Variants in PLA2R1 observed in about 807,000 individuals in gnomAD.
PLA2R1 encodes the protein secretory phospholipase A2 receptor.
In PLA2R1, 158 loss-of-function variants were observed where a neutral mutation model predicts 195.9. The observed-to-expected ratio is 0.81, with a 90% CI of 0.71 to 0.92. The LOEUF (loss-of-function observed/expected upper bound fraction) is 0.92, where lower values mean the gene tolerates loss of function less well. Among genes scored for constraint, PLA2R1 ranks in the 40% least tolerant of loss-of-function variants. The probability of loss-of-function intolerance (pLI) is 0.00; values close to 1 mark genes in which losing one functional copy is unlikely to be tolerated. For synonymous variants in PLA2R1, 586 were observed against 598.2 expected (o/e 0.98, Z 0.30); for missense variants, 1,626 against 1,764.6 (o/e 0.92, Z 1.41).
At chr2:159,974,214 C>T (rs1306987869) in intron 17 of PLA2R1, among the ~76,000 whole-genome samples, 1 of 152,148 alleles carries the variant, frequency 6.6e-6, no homozygotes, top group African/African-American at 2.4e-5. Context: ...CTCTTACATG[C>T]CCTGACACTG....
chr2:159,983,911 A>T lies in PLA2R1; in HGVS notation c.2183+17T>A. On this transcript the variant is annotated intron_variant, in intron 13 of 29. Coordinates refer to ENST00000283243, the MANE Select transcript of PLA2R1 (RefSeq NM_007366.5). ...AGAATATTTGACTGTAATTTTTCAT[A>T]ATTAACAAGTATTTACCAATTAAAT... 9 of 1,401,116 alleles carry T rather than the reference A, an allele frequency of 6.4e-6. No individual in the cohort carries two copies. The highest frequency in any genetic ancestry group is 8.0e-6 in the Non-Finnish European group (8 of 999,304). 86.8% of individuals were successfully genotyped at this position (1,401,116 alleles called of 1,614,324 possible). A position where few individuals can be genotyped will look rare whatever the true frequency, so the allele number is the denominator to read the frequency against.
intron 11 of PLA2R1, among the ~76,000 whole-genome samples, chr2:159,991,732 C>T (rs1188694071): frequency 2.8e-5 from 4 of 142,488 alleles, no homozygotes; most frequent in Non-Finnish European, 3.1e-5. Flanking sequence ...TTTGTTCTTG[C>T]GATAGTTTAC....
chr2:159,978,793 A>G (rs933854535), intron 14 of PLA2R1, among the ~76,000 whole-genome samples: 1 of 152,158 alleles, frequency 6.6e-6, no homozygotes, highest in African/African-American at 2.4e-5. Context: ...TCTCTTCTAT[A>G]AACCTCTTCC....
At chr2:159,925,775 C>G in the PLA2R1 span, among the ~76,000 whole-genome samples, 1 of 152,138 alleles carries the variant, frequency 6.6e-6, no homozygotes, top group African/African-American at 2.4e-5. Flanking sequence ...GAATAATAAC[C>G]AGGTCACCTT....
chr2:160,054,251 C>G (rs1363394120), intron 1 of PLA2R1, among the ~76,000 whole-genome samples: 2 of 152,082 alleles, frequency 1.3e-5, no homozygotes, highest in African/African-American at 4.8e-5. Context: ...GCCTGAGCAA[C>G]ATAGCAAGAC....
intron 19 of PLA2R1, 56 bp from the exon 20 acceptor site, chr2:159,967,734 C>A: frequency 2.0e-6 from 3 of 1,476,742 alleles, no homozygotes; most frequent in Non-Finnish European, 2.8e-6. Flanking sequence ...TCTTTGAAGG[C>A]ATTCTCTATT....
chr2:159,949,608 C>A lies in PLA2R1; in HGVS notation c.3709G>T (p.Glu1237Ter). ...LQGAICHVPP[E>*]TRQSEHPELC... ...TTGAGTTGAATAGAATTGAACCTAC[C>A]AGGTGGCACATGACAAATGGCACCT... The change falls in exon 25 of 30, where the codon GAA (glutamate) becomes TAA (stop). Residue 1237 changes from glutamate (E) to a stop codon, truncating the protein, a stop_gained and splice_region_variant. Coordinates refer to ENST00000283243, the MANE Select transcript of PLA2R1 (RefSeq NM_007366.5). LOFTEE classifies it high-confidence loss of function. The A allele has an allele frequency of 6.2e-7, 1 of 1,610,990 alleles. No homozygotes were observed. The highest frequency in any genetic ancestry group is 8.5e-7 in the Non-Finnish European group (1 of 1,177,318).
chr2:159,981,572 AT>A (rs1689959575), intron 13 of PLA2R1, among the ~76,000 whole-genome samples: 1 of 151,830 alleles, frequency 6.6e-6, no homozygotes. Flanking sequence ...CACCTGGCTA[AT>A]TTTTTTGTAC....
chr2:159,972,733 C>T (rs1689272330), intron 17 of PLA2R1, among the ~76,000 whole-genome samples: 1 of 152,150 alleles, frequency 6.6e-6, no homozygotes, highest in South Asian at 2.1e-4. Flanking sequence ...GACTAATTAG[C>T]TAGTAGTTTG....
chr2:160,025,588 C>CAAAAAAAAAAAAA (rs56365741), intron 6 of PLA2R1, among the ~76,000 whole-genome samples: 10 of 52,868 alleles, frequency 1.9e-4, no homozygotes, highest in Non-Finnish European at 2.2e-4. Context: ...AACCATAAAG[C>CAAAAAAAAAAAAA]AAAAAAAAAA....
chr2:160,028,176 AG>A (rs767529410), intron 6 of PLA2R1, 41 bp downstream of exon 6: 5 of 1,364,076 alleles, frequency 3.7e-6, no homozygotes, highest in Non-Finnish European at 4.0e-6. Context: ...TGAGAGGACA[AG>A]TCAACAACAC....
At position 159,988,890 on chromosome 2, in the gene PLA2R1, G is replaced by A. The variant is rs116754485; in HGVS notation, c.1835-1532C>T. ...AAGGAAGACATAGAGCATCTCTTTAGGAATGGAATAATTTGCTAAAGAATG... is the reference window on the plus strand; with the variant it reads ...AAGGAAGACATAGAGCATCTCTTTAAGAATGGAATAATTTGCTAAAGAATG... On this transcript the variant is annotated intron_variant, in intron 11 of 29. Coordinates refer to ENST00000283243, the MANE Select transcript of PLA2R1 (RefSeq NM_007366.5). 2.5e-3 allele frequency among the ~76,000 whole-genome samples: 382 copies of A among 152,264 alleles called. 1 individual carries two copies. The highest frequency in any genetic ancestry group is 8.9e-3 in the African/African-American group (369 of 41,542).
intron 10 of PLA2R1, among the ~76,000 whole-genome samples, chr2:160,010,015 CAGG>C (rs1007285953): frequency 2.8e-4 from 42 of 152,066 alleles, no homozygotes; most frequent in African/African-American, 9.2e-4. Context: ...GGGGCTGAGG[CAGG>C]AGGATTACTT....
intron 6 of PLA2R1, among the ~76,000 whole-genome samples, chr2:160,027,581 G>GT (rs1036279120): frequency 1.3e-5 from 2 of 152,084 alleles, no homozygotes; most frequent in African/African-American, 2.4e-5. Flanking sequence ...TAAATCTAGA[G>GT]TTTTTTCTAA....
In PLA2R1 at chr2:160,023,641, T is replaced by C. The variant is rs112915288; in HGVS notation, c.1100-782A>G. 3.2e-4 allele frequency among the ~76,000 whole-genome samples: 49 copies of C among 152,282 alleles called. 1 individual carries two copies. Among genetic ancestry groups the C allele is most frequent in the Admixed American group, 1.7e-3 (26 of 15,304 alleles). On this transcript the variant is annotated intron_variant, in intron 6 of 29. Coordinates refer to ENST00000283243, the MANE Select transcript of PLA2R1 (RefSeq NM_007366.5). Reference sequence around the variant, plus strand: ...CCAAGCTGCTGCTCTGCCTATGGAGTAGCCATTCTTTATTCCTTTACTTTC... The same window carrying C: ...CCAAGCTGCTGCTCTGCCTATGGAGCAGCCATTCTTTATTCCTTTACTTTC...
intron 1 of PLA2R1, among the ~76,000 whole-genome samples, chr2:160,051,272 A>C (rs898691139): frequency 6.6e-6 from 1 of 152,216 alleles, no homozygotes; most frequent in African/African-American, 2.4e-5. Context: ...GCAATGCTTA[A>C]GACAAGCTAT....
downstream of PLA2R1, among the ~76,000 whole-genome samples, chr2:159,927,979 T>C (rs1574617543): frequency 6.6e-6 from 1 of 152,232 alleles, no homozygotes; most frequent in Non-Finnish European, 1.5e-5. Flanking sequence ...TCTCAAATAC[T>C]ACCATGTAAT....
rs145687288 is a variant in PLA2R1 at position 160,005,687 on chromosome 2, G to A, written c.1799C>T (p.Pro600Leu). Reference sequence around the variant, plus strand: ...TGTGTTCCAGTGTGTGTACTGCACCGGCTCGGGTTTCTGCCCTACTGGCTT... The same window carrying A: ...TGTGTTCCAGTGTGTGTACTGCACCAGCTCGGGTTTCTGCCCTACTGGCTT... ...TWKPVGQKPE[P>L]VQYTHWNTHQ... Residue 600 changes from proline to leucine, a missense_variant, in exon 11 of 30, where the codon CCG becomes CTG. Coordinates refer to ENST00000283243, the MANE Select transcript of PLA2R1 (RefSeq NM_007366.5). 269 of 1,613,916 alleles carry A rather than the reference G, an allele frequency of 1.7e-4. 3 individuals are homozygous for A. The highest frequency in any genetic ancestry group is 2.2e-4 in the Non-Finnish European group (254 of 1,179,954).
At chr2:159,945,845 T>A (rs1687353142) in intron 27 of PLA2R1, 4 of 946,360 alleles carry the variant, frequency 4.2e-6, no homozygotes, top group Non-Finnish European at 5.0e-6. Context: ...AGGTACAGTG[T>A]TCTTATTTAG....
Sources: gnomAD v4.1 joint callset for allele counts (sites outside exome capture counted in the v4.1 genomes callset) on GRCh38, gnomAD v4.1.1 for gene constraint, MANE v1.5 for transcripts, NCBI Gene and HGNC (gene_info 2026-07-23, HGNC 2026-07-21) for gene names.